NUP62: variants seen among roughly 807,000 people sequenced by gnomAD.
NUP62 encodes nuclear pore glycoprotein p62.
For synonymous variants in NUP62, 305 were observed against 303.4 expected (o/e 1.01, Z -0.05); for missense variants, 647 against 689.4 (o/e 0.94, Z 0.69).
At position 49,921,405 on chromosome 19, in the gene NUP62, C is replaced by T. The variant is rs745541341; in HGVS notation, c.-78+6289G>A. ...CTCATCCAGTCCCCCTTCCCATTCT[C>T]CAGAGACTTCCTGGGCCATCTCCAT... On this transcript the variant is annotated intron_variant, in intron 2 of 2. Coordinates refer to ENST00000352066, the MANE Select transcript of NUP62 (RefSeq NM_016553.5). The surrounding 1 kb of genome is among the most constrained non-coding windows in gnomAD (Gnocchi z 5.4). Among the ~76,000 whole-genome samples, 1 of 152,166 alleles carries T rather than the reference C, an allele frequency of 6.6e-6. No homozygotes were observed. The highest frequency in any genetic ancestry group is 1.5e-5 in the Non-Finnish European group (1 of 68,036).
rs2075352453 is a variant in NUP62 at position 49,907,583 on chromosome 19, C to G, written c.*656G>C. Reference sequence around the variant, plus strand: ...TGAGACAGAGTCTCTGTTGCCTAGGCTGGAGTGCAGTGGTGTGATCTTGGT... The same window carrying G: ...TGAGACAGAGTCTCTGTTGCCTAGGGTGGAGTGCAGTGGTGTGATCTTGGT... On this transcript the variant is annotated 3_prime_UTR_variant, in exon 3 of 3. Transcript: ENST00000352066. 5.0e-6 allele frequency: 2 copies of G among 403,890 alleles called. No homozygotes were observed. Among genetic ancestry groups the G allele is most frequent in the Non-Finnish European group, 9.3e-6 (2 of 214,262 alleles). 25.0% of individuals were successfully genotyped at this position (403,890 alleles called of 1,614,324 possible).
chr19:49,918,767 C>T (rs886361594), intron 2 of NUP62: 1 of 152,038 alleles, frequency 6.6e-6, no homozygotes, highest in Admixed American at 6.6e-5. Flanking sequence ...CTAAATGTTC[C>T]CGTGTGCTCA....
chr19:49,908,044 G>A lies in NUP62; in HGVS notation c.*195C>T. 8.1e-7 allele frequency: 1 copy of A among 1,237,722 alleles called. No individual in the cohort carries two copies. Among genetic ancestry groups the A allele is most frequent in the Non-Finnish European group, 1.1e-6 (1 of 919,328 alleles). 76.7% of individuals were successfully genotyped at this position (1,237,722 alleles called of 1,614,324 possible). On this transcript the variant is annotated 3_prime_UTR_variant, in exon 3 of 3. Coordinates refer to ENST00000352066, the MANE Select transcript of NUP62 (RefSeq NM_016553.5). ...CCACAGAAGCCACACCCATGAGGCTGCTGCCTGGGCAGAAGGCCCAGAATA... is the reference window on the plus strand; with the variant it reads ...CCACAGAAGCCACACCCATGAGGCTACTGCCTGGGCAGAAGGCCCAGAATA...
At chr19:49,919,933 T>A (rs536569616) in intron 2 of NUP62, among the ~76,000 whole-genome samples, 45 of 150,632 alleles carry the variant, frequency 3.0e-4, no homozygotes, top group Admixed American at 7.9e-4. Context: ...TAAAAAAAAA[T>A]TTTTTTTTTT....
chr19:49,909,839 GGCT>G lies in NUP62; in HGVS notation c.-35_-33del. 4 of 1,609,148 alleles carry G rather than the reference GGCT, an allele frequency of 2.5e-6. No homozygotes were observed. The highest frequency in any genetic ancestry group is 2.6e-6 in the Non-Finnish European group (3 of 1,176,372). ...GGACTCTGGTGGCGGCAGCTACTCT[GGCT>G]CCCAAAGCAAATCCGTCGGTGTCTG... On this transcript the variant is annotated 5_prime_UTR_variant, in exon 3 of 3. Transcript: ENST00000352066.
intron 2 of NUP62, among the ~76,000 whole-genome samples, chr19:49,925,306 G>C (rs2075860184): frequency 6.6e-6 from 1 of 151,818 alleles, no homozygotes; most frequent in Non-Finnish European, 1.5e-5. Context: ...AAAAAACCCA[G>C]GCCGGGCACA....
chr19:49,909,787 T>G lies in NUP62; in HGVS notation c.21A>C (p.Gly7=). The G allele has an allele frequency of 6.2e-7, 1 of 1,614,076 alleles. No individual in the cohort carries two copies. Among genetic ancestry groups the G allele is most frequent in the South Asian group, 1.1e-5 (1 of 91,080 alleles). The change falls in exon 3 of 3, where the codon GGA becomes GGC. Residue 7 remains glycine, a synonymous_variant. Coordinates refer to ENST00000352066, the MANE Select transcript of NUP62 (RefSeq NM_016553.5). MSGFNF[G]GTGAPTGGFT... ...ACCCGCCTGTAGGGGCCCCAGTGCC[T>G]CCAAAATTAAACCCGCTCATGGCTC...
Position 49,908,454 on chromosome 19 carries a change from T to C in NUP62, c.1354A>G (p.Lys452Glu), listed in dbSNP as rs1348263000. 6.2e-7 allele frequency: 1 copy of C among 1,607,300 alleles called. No homozygotes were observed. Among genetic ancestry groups the C allele is most frequent in the African/African-American group, 1.3e-5 (1 of 74,790 alleles). The change falls in exon 3 of 3, where the codon AAG becomes GAG. Residue 452 changes from lysine to glutamate, a missense_variant. Lys to Glu is a moderately conservative substitution (Grantham distance 56). Coordinates refer to ENST00000352066, the MANE Select transcript of NUP62 (RefSeq NM_016553.5). ...AQLKRMAQDL[K>E]DIIEHLNTSG... Reference sequence around the variant, plus strand: ...GTGTTCAGGTGCTCGATGATGTCCTTGAGATCCTGGGCCATGCGCTTGAGC... The same window carrying C: ...GTGTTCAGGTGCTCGATGATGTCCTCGAGATCCTGGGCCATGCGCTTGAGC...
intron 2 of NUP62, among the ~76,000 whole-genome samples, chr19:49,927,390 TA>T (rs946061834): frequency 4.0e-5 from 6 of 151,570 alleles, no homozygotes; most frequent in African/African-American, 9.7e-5. Flanking sequence ...CTGATGAACT[TA>T]AAAAAAAATC....
intron 2 of NUP62, among the ~76,000 whole-genome samples, chr19:49,911,643 G>A (rs1002945101): frequency 1.3e-5 from 2 of 152,178 alleles, no homozygotes; most frequent in African/African-American, 4.8e-5. Context: ...CAAGCCTGGG[G>A]AGATGACCCC....
At chr19:49,918,903 G>C (rs1197306196) in intron 2 of NUP62, among the ~76,000 whole-genome samples, 45 of 149,176 alleles carry the variant, frequency 3.0e-4, no homozygotes, top group Non-Finnish European at 6.1e-4. Context: ...GCTGGGGGGG[G>C]GGGGGCGGGG....
intron 2 of NUP62, among the ~76,000 whole-genome samples, chr19:49,911,560 C>A (rs568275907): frequency 6.6e-6 from 1 of 152,248 alleles, no homozygotes; most frequent in South Asian, 2.1e-4. Context: ...CCACCCCTTC[C>A]ACTGCACCCT....
chr19:49,927,669 G>C (rs2075935905), intron 2 of NUP62, 25 bp downstream of exon 2: 1 of 152,224 alleles, frequency 6.6e-6, no homozygotes, highest in African/African-American at 2.4e-5. Flanking sequence ...AACAGGTAAG[G>C]AAGGAGAAAG....
chr19:49,928,909 G>A (rs1047193234), intron 1 of NUP62: 1 of 152,524 alleles, frequency 6.6e-6, no homozygotes, highest in African/African-American at 2.4e-5. Context: ...AGACCTCAGA[G>A]GCAGAAAGAG....
At chr19:49,911,047 G>A (rs1229505985) in intron 2 of NUP62, 1 of 152,256 alleles carries the variant, frequency 6.6e-6, no homozygotes, top group Non-Finnish European at 1.5e-5. Flanking sequence ...TAGGACTACA[G>A]GTGCATGCCA....
chr19:49,916,393 G>C (rs1282276873), intron 2 of NUP62, among the ~76,000 whole-genome samples: 4 of 144,400 alleles, frequency 2.8e-5, no homozygotes, highest in African/African-American at 5.2e-5. Context: ...TCGCTCTGTC[G>C]CCCAGGCTGG....
Position 49,921,638 on chromosome 19 carries a change from T to C in NUP62, c.-78+6056A>G, listed in dbSNP as rs1429038688. Among the ~76,000 whole-genome samples the C allele has an allele frequency of 6.6e-6, 1 of 152,208 alleles. No homozygotes were observed. The highest frequency in any genetic ancestry group is 6.5e-5 in the Admixed American group (1 of 15,292). On this transcript the variant is annotated intron_variant, in intron 2 of 2. Coordinates refer to ENST00000352066, the MANE Select transcript of NUP62 (RefSeq NM_016553.5). The surrounding 1 kb of genome is among the most constrained non-coding windows in gnomAD (Gnocchi z 5.4). ...ACTGGGCTAAGGCCTGGCGCTCTGA[T>C]GGCCGCTGACCTCAAAACTCTCCAT...
At chr19:49,911,701 T>C (rs1343683971) in intron 2 of NUP62, among the ~76,000 whole-genome samples, 1 of 152,224 alleles carries the variant, frequency 6.6e-6, no homozygotes, top group Admixed American at 6.5e-5. Context: ...TAGATCTCAA[T>C]GGGCGTCCAT....
chr19:49,914,670 C>T (rs963921319), intron 2 of NUP62, among the ~76,000 whole-genome samples: 4 of 147,574 alleles, frequency 2.7e-5, no homozygotes, highest in Admixed American at 2.1e-4. Flanking sequence ...CCCCAGCCTT[C>T]GGTCAGCTCT....
Sources: gnomAD v4.1 joint callset for allele counts (sites outside exome capture counted in the v4.1 genomes callset) on GRCh38, gnomAD v4.1.1 for gene constraint, Gnocchi (gnomAD v3.1) non-coding constraint, MANE v1.5 for transcripts, NCBI Gene and HGNC (gene_info 2026-07-23, HGNC 2026-07-21) for gene names.